ENDOV: variants seen among roughly 807,000 people sequenced by gnomAD.
The protein encoded by ENDOV is endonuclease V.
ENDOV carries 37 observed loss-of-function variants against 39.4 expected under a neutral mutation model. That is an observed-to-expected ratio of 0.94 (90% CI 0.72 to 1.23). The LOEUF is 1.23. ENDOV is among the 50% of genes most tolerant of loss of function. The pLI is 0.00. For synonymous variants in ENDOV, 186 were observed against 163.4 expected (o/e 1.14, Z -1.05); for missense variants, 441 against 375.7 (o/e 1.17, Z -1.44).
intron 7 of ENDOV, among the ~76,000 whole-genome samples, chr17:80,426,986 C>A (rs1282291305): frequency 6.6e-6 from 1 of 152,250 alleles, no homozygotes; most frequent in Non-Finnish European, 1.5e-5. Context: ...GCCGCAGCAC[C>A]GGTGGAAAAC....
At chr17:80,430,359 A>G (rs1019714479) in intron 9 of ENDOV, 1 of 1,524,354 alleles carries the variant, frequency 6.6e-7, no homozygotes, top group Non-Finnish European at 8.8e-7. Context: ...CTCAGGATTC[A>G]TTTTTTATTT....
At chr17:80,416,188 C>T (rs2081130933) in intron 2 of ENDOV, 1 of 147,374 alleles carries the variant, frequency 6.8e-6, no homozygotes, top group Non-Finnish European at 1.3e-5. Flanking sequence ...GGTGAGCCAA[C>T]ATCACGCCAT....
intron 2 of ENDOV, chr17:80,417,524 C>T (rs2144810439): frequency 6.6e-6 from 1 of 152,388 alleles, no homozygotes; most frequent in South Asian, 2.1e-4. Context: ...ATCAGGGTGC[C>T]AGCGCAATCA....
chr17:80,430,935 G>A (rs1370380819), intron 9 of ENDOV, among the ~76,000 whole-genome samples: 1 of 152,080 alleles, frequency 6.6e-6, no homozygotes, highest in African/African-American at 2.4e-5. Flanking sequence ...GGGGGCAAAG[G>A]GGATGGCCCA....
intron 2 of ENDOV, among the ~76,000 whole-genome samples, chr17:80,420,798 C>T (rs41298690): frequency 0.017 from 2,595 of 152,376 alleles, 69 homozygotes; most frequent in African/African-American, 0.059. Flanking sequence ...CTGCCTCAGC[C>T]TCCCGAGTAG....
chr17:80,429,994 C>T, intron 9 of ENDOV, 163 bp downstream of exon 9: 1 of 1,540,006 alleles, frequency 6.5e-7, no homozygotes. Flanking sequence ...CACTGACCAC[C>T]CCTGGGGGTG....
In ENDOV at chr17:80,421,804, A is replaced by G. The variant is rs1196181894; in HGVS notation, c.229-24A>G. The G allele has an allele frequency of 8.2e-6, 13 of 1,581,776 alleles. No homozygotes were observed. In the South Asian group the frequency reaches 1.4e-4, roughly 17 times the overall value. On this transcript the variant is annotated intron_variant, in intron 2 of 9. Coordinates refer to ENST00000518137, the MANE Select transcript of ENDOV (RefSeq NM_173627.5). Reference sequence around the variant, plus strand: ...CAGGTGGCCGAAGGCTGTGCTTCCCACTGAGCTGCGTGCCTGGTGTCAGGT... The same window carrying G: ...CAGGTGGCCGAAGGCTGTGCTTCCCGCTGAGCTGCGTGCCTGGTGTCAGGT...
intron 9 of ENDOV, among the ~76,000 whole-genome samples, chr17:80,434,361 G>GT (rs1447464087): frequency 6.6e-6 from 1 of 152,210 alleles, no homozygotes; most frequent in African/African-American, 2.4e-5. Context: ...GGATATTTGG[G>GT]TTTTTTCCAT....
chr17:80,415,580 A>C, intron 1 of ENDOV, 70 bp from the exon 2 acceptor site: 1 of 1,534,590 alleles, frequency 6.5e-7, no homozygotes, highest in Non-Finnish European at 8.9e-7. Flanking sequence ...TGTCCGCTGC[A>C]GCCGCGCGGG....
chr17:80,421,279 T>C (rs79124652), intron 2 of ENDOV, among the ~76,000 whole-genome samples: 25 of 46,510 alleles, frequency 5.4e-4, no homozygotes, highest in Non-Finnish European at 7.2e-4. Context: ...AATCTTCCTA[T>C]GGACCGGGTC....
In ENDOV at chr17:80,423,631, AG is replaced by A; in HGVS notation, c.516+1del. The A allele has an allele frequency of 6.5e-7, 1 of 1,550,290 alleles. No individual in the cohort carries two copies. The highest frequency in any genetic ancestry group is 2.2e-4 in the Middle Eastern group (1 of 4,502). ...GAGAACAACGCCCTGCACAAGGAGA[AG>A]GTGAGGAGGGGCCTGCTGCAGGCCA... Reference protein sequence around the residue: ...GLENNALHKEKIRLLQTRGDS... With the variant: ...GLENNALHKEXIRLLQTRGDS... On this transcript the variant is annotated frameshift_variant and splice_region_variant, in exon 5 of 10. Coordinates refer to ENST00000518137, the MANE Select transcript of ENDOV (RefSeq NM_173627.5). LOFTEE classifies it high-confidence loss of function.
rs780615836 is a variant in ENDOV, at chr17:80,415,726, C to T, written c.133C>T (p.Leu45=). The part of the protein sequence containing the change: ...AWQRDPAFSG[L]QRVGGVDVSF... Reference sequence around the variant, plus strand: ...GCAGCGAGACCCCGCCTTCTCGGGTCTGCAGAGGGTCGGGGGCGTTGACGT... The same window carrying T: ...GCAGCGAGACCCCGCCTTCTCGGGTTTGCAGAGGGTCGGGGGCGTTGACGT... The change falls in exon 2 of 10, where the codon CTG becomes TTG. Residue 45 remains leucine, a synonymous_variant. Coordinates refer to ENST00000518137, the MANE Select transcript of ENDOV (RefSeq NM_173627.5). The T allele has an allele frequency of 6.2e-7, 1 of 1,609,500 alleles. No homozygotes were observed. Among genetic ancestry groups the T allele is most frequent in the Non-Finnish European group, 8.5e-7 (1 of 1,178,044 alleles).
intron 7 of ENDOV, chr17:80,427,800 T>G (rs754631336): frequency 2.9e-4 from 374 of 1,288,832 alleles, no homozygotes; most frequent in Admixed American, 7.1e-4. Context: ...CGCTCCTGGT[T>G]GCCAGGTCCA....
At chr17:80,422,068 G>A in intron 3 of ENDOV, 106 bp downstream of exon 3, 1 of 1,557,710 alleles carries the variant, frequency 6.4e-7, no homozygotes, top group Non-Finnish European at 8.7e-7. Flanking sequence ...AGACTCATGA[G>A]CTTCCTGGAA....
rs2082323524 is a variant in ENDOV at position 80,423,543 on chromosome 17, G to T, written c.427G>T (p.Gly143Cys). The change falls in exon 5 of 10, where the codon GGC (glycine) becomes TGC (cysteine). Residue 143 changes from glycine (G) to cysteine (C), a missense_variant. Transcript: ENST00000518137. Reference sequence around the variant, plus strand: ...AGGCTTTGGGGTGGCCTGCCACCTTGGCGTCCTTACAGACCTGCCGTGTGT... The same window carrying T: ...AGGCTTTGGGGTGGCCTGCCACCTTTGCGTCCTTACAGACCTGCCGTGTGT... ...HRGFGVACHL[G>C]VLTDLPCVGV... 3 of 1,455,814 alleles carry T rather than the reference G, an allele frequency of 2.1e-6. No individual in the cohort carries two copies. Among genetic ancestry groups the T allele is most frequent in the East Asian group, 6.0e-5 (2 of 33,348 alleles). The allele number at this position is 1,455,814 out of a possible 1,614,324, so 90.2% of individuals were successfully genotyped here.
At chr17:80,427,283 C>A in intron 7 of ENDOV, 1 of 297,472 alleles carries the variant, frequency 3.4e-6, no homozygotes, top group Non-Finnish European at 5.0e-6. Context: ...AGAAACTGTC[C>A]CCCAGGCCTT....
chr17:80,432,866 C>T (rs762610632), intron 9 of ENDOV, among the ~76,000 whole-genome samples: 21 of 152,242 alleles, frequency 1.4e-4, no homozygotes, highest in Non-Finnish European at 1.8e-4. Flanking sequence ...CGAGGGCACT[C>T]GTGGGAAAGG....
intron 9 of ENDOV, among the ~76,000 whole-genome samples, chr17:80,432,785 A>G (rs1032588740): frequency 5.3e-5 from 8 of 152,064 alleles, no homozygotes; most frequent in African/African-American, 1.9e-4. Flanking sequence ...GTGGGGGTCT[A>G]GGCAGGGGAG....
At chr17:80,435,838 G>T (rs1031423970) in intron 9 of ENDOV, among the ~76,000 whole-genome samples, 1 of 150,482 alleles carries the variant, frequency 6.6e-6, no homozygotes, top group African/African-American at 2.4e-5. Flanking sequence ...GGATGGTCTC[G>T]ATCTCCTGAC....
Sources: gnomAD v4.1 joint callset for allele counts (sites outside exome capture counted in the v4.1 genomes callset) on GRCh38, gnomAD v4.1.1 for gene constraint, MANE v1.5 for transcripts, NCBI Gene and HGNC (gene_info 2026-07-23, HGNC 2026-07-21) for gene names.